Variants in PFKFB3 observed in about 807,000 individuals in gnomAD.
The protein encoded by PFKFB3 is 6-phosphofructo-2-kinase/fructose-2,6-bisphosphatase 3.
Under a neutral mutation model 68.0 loss-of-function variants are expected in PFKFB3, and 33 were observed. The observed-to-expected ratio is 0.49, with a 90% confidence interval of 0.37 to 0.65. The LOEUF (loss-of-function observed/expected upper bound fraction) is 0.65. Among genes scored for constraint, PFKFB3 ranks in the 30% least tolerant of loss-of-function variants. PFKFB3 has a pLI of 0.00. For synonymous variants in PFKFB3, 315 were observed against 288.2 expected (o/e 1.09, Z -0.94); for missense variants, 586 against 712.2 (o/e 0.82, Z 2.02).
At chr10:6,150,501 G>A (rs574808963) in intron 1 of PFKFB3, among the ~76,000 whole-genome samples, 69 of 152,032 alleles carry the variant, frequency 4.5e-4, no homozygotes, top group Non-Finnish European at 7.4e-5. Flanking sequence ...GTGGGCGCCT[G>A]TAATCCCAGC....
chr10:6,244,134 G>A (rs1186356076), intron 14 of PFKFB3, among the ~76,000 whole-genome samples: 2 of 152,200 alleles, frequency 1.3e-5, no homozygotes, highest in African/African-American at 4.8e-5. Context: ...GGGATTACAG[G>A]TGTGAGCCAC....
the PFKFB3 span, among the ~76,000 whole-genome samples, chr10:6,270,910 G>A: frequency 6.6e-6 from 1 of 152,186 alleles, no homozygotes; most frequent in Admixed American, 6.5e-5. Flanking sequence ...GGGATAGTAA[G>A]CACCCACTAA....
At chr10:6,272,637 G>A in the PFKFB3 span, among the ~76,000 whole-genome samples, 5 of 152,100 alleles carry the variant, frequency 3.3e-5, no homozygotes, top group East Asian at 9.7e-4. Flanking sequence ...AGAGGTTCCA[G>A]TGAGCCCAGA....
At chr10:6,288,303 T>C in the PFKFB3 span, among the ~76,000 whole-genome samples, 1 of 150,666 alleles carries the variant, frequency 6.6e-6, no homozygotes, top group Admixed American at 6.6e-5. Flanking sequence ...GCTGCATCCA[T>C]TAACTCGTCA....
At chr10:6,266,088 T>A in the PFKFB3 span, among the ~76,000 whole-genome samples, 1 of 152,096 alleles carries the variant, frequency 6.6e-6, no homozygotes, top group East Asian at 1.9e-4. Context: ...TTAAATTTTT[T>A]TGTAGAGACA....
chr10:6,226,357 C>T lies in PFKFB3; in HGVS notation c.1507C>T (p.Pro503Ser). The T allele has an allele frequency of 1.2e-6, 2 of 1,612,192 alleles. No individual in the cohort carries two copies. The highest frequency in any genetic ancestry group is 1.7e-6 in the Non-Finnish European group (2 of 1,179,300). ...GCCCCCGGAGGTGCCCACGCAGCTG[C>T]CTGGACAAGTCAGTGCACTCCCCTT... The part of the protein sequence containing the change: ...CLPPEVPTQL[P>S]GQNMKGSRSS... Residue 503 changes from proline to serine, a missense_variant, in exon 14 of 15, where the codon CCT (proline) becomes TCT (serine). By Grantham distance (74) the Pro-to-Ser change is moderately conservative. Coordinates refer to ENST00000379775, the MANE Select transcript of PFKFB3 (RefSeq NM_004566.4).
At chr10:6,182,993 G>A (rs995541807) in intron 1 of PFKFB3, among the ~76,000 whole-genome samples, 2 of 152,130 alleles carry the variant, frequency 1.3e-5, no homozygotes, top group African/African-American at 2.4e-5. Context: ...TGCCCAGCAC[G>A]GTCCCTGGCT....
the PFKFB3 span, among the ~76,000 whole-genome samples, chr10:6,259,932 G>A: frequency 6.6e-6 from 1 of 152,158 alleles, no homozygotes; most frequent in East Asian, 1.9e-4. Flanking sequence ...CAGGCACTTA[G>A]CAAAGCCTTC....
At chr10:6,295,610 A>G in the PFKFB3 span, among the ~76,000 whole-genome samples, 1 of 151,808 alleles carries the variant, frequency 6.6e-6, no homozygotes, top group African/African-American at 2.4e-5. Context: ...TTAGGGAAGC[A>G]TTCTTTACTT....
intron 1 of PFKFB3, among the ~76,000 whole-genome samples, chr10:6,184,400 ATTCTGGTTT>A (rs1312339472): frequency 6.6e-6 from 1 of 152,046 alleles, no homozygotes; most frequent in Admixed American, 6.6e-5. Context: ...CATCCTGGCA[ATTCTGGTTT>A]AATCGGTCTG....
At chr10:6,295,133 T>G in the PFKFB3 span, among the ~76,000 whole-genome samples, 1 of 152,188 alleles carries the variant, frequency 6.6e-6, no homozygotes, top group African/African-American at 2.4e-5. Context: ...CAGATTAAAA[T>G]TTTCTTGAAC....
At chr10:6,236,317 C>T (rs538848458), downstream of PFKFB3, among the ~76,000 whole-genome samples, 3 of 152,332 alleles carry the variant, frequency 2.0e-5, no homozygotes, top group South Asian at 6.2e-4. Flanking sequence ...TGCATCTCTG[C>T]AGATGGGGCA....
intron 14 of PFKFB3, among the ~76,000 whole-genome samples, chr10:6,250,719 C>T (rs540266512): frequency 6.6e-6 from 1 of 152,140 alleles, no homozygotes; most frequent in Non-Finnish European, 1.5e-5. Context: ...GATCTGAGGA[C>T]ACAGCAGGAA....
chr10:6,262,324 G>A, the PFKFB3 span, among the ~76,000 whole-genome samples: 1 of 150,362 alleles, frequency 6.7e-6, no homozygotes, highest in Admixed American at 6.6e-5. Context: ...TGGGGTGGGG[G>A]GTGCCTGTAG....
At chr10:6,288,481 G>C in the PFKFB3 span, among the ~76,000 whole-genome samples, 1 of 151,428 alleles carries the variant, frequency 6.6e-6, no homozygotes. Context: ...GCAATAGTTT[G>C]CTGAGAATGA....
At chr10:6,213,108 A>G (rs1398192716) in intron 1 of PFKFB3, among the ~76,000 whole-genome samples, 1 of 152,106 alleles carries the variant, frequency 6.6e-6, no homozygotes, top group Non-Finnish European at 1.5e-5. Flanking sequence ...TGGGGTTGGG[A>G]CTGTCTTTGC....
At chr10:6,307,368 C>T in the PFKFB3 span, among the ~76,000 whole-genome samples, 7 of 143,776 alleles carry the variant, frequency 4.9e-5, no homozygotes, top group Admixed American at 4.9e-4. Flanking sequence ...CACACACACA[C>T]TCACCCTACT....
At chr10:6,268,833 G>A in the PFKFB3 span, among the ~76,000 whole-genome samples, 2 of 151,352 alleles carry the variant, frequency 1.3e-5, no homozygotes, top group Non-Finnish European at 2.9e-5. Context: ...ACCAGCCTAG[G>A]CAACTTGGCA....
At chr10:6,257,129 T>C (rs1251762497), downstream of PFKFB3, among the ~76,000 whole-genome samples, 3 of 152,206 alleles carry the variant, frequency 2.0e-5, no homozygotes, top group African/African-American at 7.2e-5. Flanking sequence ...ATCATCACAA[T>C]TTCATCTTTA....
Sources: allele counts gnomAD v4.1 joint callset (sites outside exome capture counted in the v4.1 genomes callset), GRCh38; gene constraint gnomAD v4.1.1; transcripts MANE v1.5; gene names NCBI Gene and HGNC (gene_info 2026-07-23, HGNC 2026-07-21).